Variants in MTERF4 observed in about 807,000 individuals in gnomAD.
MTERF4 encodes mitochondrial transcription termination factor 4.
A neutral mutation model predicts 22.5 loss-of-function variants in MTERF4; 17 were observed. That is an observed-to-expected ratio of 0.75 (90% CI 0.52 to 1.13). MTERF4 has a LOEUF of 1.13. Ranked by LOEUF, MTERF4 falls within the 50% of genes most tolerant of loss-of-function variation. The pLI is 0.00. For synonymous variants in MTERF4, 165 were observed against 175.3 expected, an observed-to-expected ratio of 0.94 and a Z score of 0.47; for missense variants, 420 against 466.8, an observed-to-expected ratio of 0.90 and a Z score of 0.92.
At chr2:241,080,263 A>G (rs1354807691) in intron 4 of MTERF4, among the ~76,000 whole-genome samples, 1 of 152,232 alleles carries the variant, frequency 6.6e-6, no homozygotes, top group African/African-American at 2.4e-5. Context: ...CAGCCTGGGC[A>G]ACAGAGCAAG....
chr2:241,063,834 TGGGA>T, the MTERF4 span: 1 of 580,246 alleles, frequency 1.7e-6, no homozygotes, highest in Non-Finnish European at 2.8e-6. Context: ...GCGGCCACCT[TGGGA>T]GGGAGGGGTG....
At chr2:241,052,195 G>A in the MTERF4 span, 2 of 1,566,776 alleles carry the variant, frequency 1.3e-6, no homozygotes, top group Non-Finnish European at 1.8e-6. Flanking sequence ...GCGGCCAGGG[G>A]TGAACCCTCT....
chr2:241,082,433 C>T, downstream of MTERF4: 1 of 1,207,646 alleles, frequency 8.3e-7, no homozygotes, highest in South Asian at 1.3e-5. Context: ...AGTGCTGTCT[C>T]AAAGCTACCC....
the MTERF4 span, among the ~76,000 whole-genome samples, chr2:241,045,653 A>G: frequency 3.3e-5 from 5 of 151,966 alleles, no homozygotes; most frequent in African/African-American, 1.2e-4. Flanking sequence ...TTAACTCAAA[A>G]TGGATCATAG....
At chr2:241,060,449 C>T in the MTERF4 span, among the ~76,000 whole-genome samples, 1 of 152,302 alleles carries the variant, frequency 6.6e-6, no homozygotes, top group South Asian at 2.1e-4. Context: ...TCCCAAAGTG[C>T]TGGATTACAG....
the MTERF4 span, among the ~76,000 whole-genome samples, chr2:241,059,843 C>T: frequency 6.6e-6 from 1 of 152,114 alleles, no homozygotes; most frequent in Non-Finnish European, 1.5e-5. Context: ...ACCTGGAATC[C>T]GTACAAGGCA....
chr2:241,062,892 C>A, the MTERF4 span: 1 of 1,601,096 alleles, frequency 6.2e-7, no homozygotes, highest in Non-Finnish European at 8.5e-7. Flanking sequence ...TGAGGGCGCC[C>A]ACTGTGAGCT....
Position 241,073,524 on chromosome 2 carries a change from G to A in MTERF4, n.2638C>T, listed in dbSNP as rs1056445297. ...CAGGCACCCCGGTGTGGGAAGATGGGGTGAAGCTACACCACCCAAGCAGTG... is the reference window on the plus strand; with the variant it reads ...CAGGCACCCCGGTGTGGGAAGATGGAGTGAAGCTACACCACCCAAGCAGTG... On this transcript the variant is annotated non_coding_transcript_exon_variant, in exon 5 of 5. Coordinates refer to the MTERF4 transcript ENST00000464344. The surrounding 1 kb of genome is among the most constrained non-coding windows in gnomAD (Gnocchi z 6.6). 2.9e-6 allele frequency: 2 copies of A among 680,952 alleles called. No individual in the cohort carries two copies. Among genetic ancestry groups the A allele is most frequent in the Admixed American group, 2.2e-5 (1 of 45,590 alleles). 42.2% of individuals were successfully genotyped at this position (680,952 alleles called of 1,614,324 possible). A position where few individuals can be genotyped will look rare whatever the true frequency, so the allele number is the denominator to read the frequency against.
the MTERF4 span, chr2:241,064,265 T>C: frequency 1.6e-6 from 1 of 614,892 alleles, no homozygotes; most frequent in Non-Finnish European, 2.7e-6. This position sits in a 1 kb window ranked among gnomAD's most constrained non-coding sequence, Gnocchi z 7.0. Context: ...GCCTTGGAAG[T>C]CCCCTTCTCA....
chr2:241,086,216 G>A (rs2063566939), downstream of MTERF4, among the ~76,000 whole-genome samples: 1 of 152,138 alleles, frequency 6.6e-6, no homozygotes, highest in Admixed American at 6.5e-5. Context: ...TCTCTACTCT[G>A]GCTCTGGAAA....
the MTERF4 span, among the ~76,000 whole-genome samples, chr2:241,058,437 A>G: frequency 2.0e-5 from 3 of 152,240 alleles, no homozygotes; most frequent in Non-Finnish European, 2.9e-5. Flanking sequence ...GAATAAAGGT[A>G]AAAGCCATAA....
At chr2:241,082,442 C>T (rs913284768), downstream of MTERF4, 5 of 1,092,294 alleles carry the variant, frequency 4.6e-6, no homozygotes, top group South Asian at 4.2e-5. Flanking sequence ...TCAAAGCTAC[C>T]CAGCTAACCC....
At chr2:241,057,468 AG>A in the MTERF4 span, among the ~76,000 whole-genome samples, 1 of 149,282 alleles carries the variant, frequency 6.7e-6, no homozygotes, top group African/African-American at 2.5e-5. Flanking sequence ...CGATCATTTG[AG>A]CCCAGCAGTT....
chr2:241,069,191 C>T (rs2062595401), downstream of MTERF4, among the ~76,000 whole-genome samples: 1 of 152,212 alleles, frequency 6.6e-6, no homozygotes. This position sits in a 1 kb window ranked among gnomAD's most constrained non-coding sequence, Gnocchi z 4.9. Context: ...AGCCGCTGGG[C>T]TGGGCTGGGC....
chr2:241,081,241 G>A (rs1203885867), intron 4 of MTERF4, among the ~76,000 whole-genome samples: 1 of 150,618 alleles, frequency 6.6e-6, no homozygotes, highest in Non-Finnish European at 1.5e-5. Context: ...CAAGTGAGCA[G>A]TAAGTCACAT....
downstream of MTERF4, chr2:241,088,445 G>T: frequency 2.0e-6 from 3 of 1,536,808 alleles, no homozygotes; most frequent in Non-Finnish European, 2.7e-6. Flanking sequence ...AGAGCTGCTG[G>T]GAAGTGGGGG....
At position 241,095,578 on chromosome 2, in the gene MTERF4, C is replaced by T. The variant is rs960042013; in HGVS notation, c.*420G>A. The T allele has an allele frequency of 3.9e-5, 7 of 179,530 alleles. No individual in the cohort carries two copies. The highest frequency in any genetic ancestry group is 1.1e-4 in the Admixed American group (2 of 18,584). 11.1% of individuals were successfully genotyped at this position (179,530 alleles called of 1,614,324 possible). Reference sequence around the variant, plus strand: ...ATGTACTAAAACCTCACATTGCCTTCTCGTAATTTTATTTTTATCACAAGA... The same window carrying T: ...ATGTACTAAAACCTCACATTGCCTTTTCGTAATTTTATTTTTATCACAAGA... On this transcript the variant is annotated 3_prime_UTR_variant, in exon 4 of 4. Transcript: ENST00000391980.
the MTERF4 span, chr2:241,063,762 A>C: frequency 8.2e-7 from 1 of 1,220,204 alleles, no homozygotes; most frequent in Non-Finnish European, 1.2e-6. Context: ...ATCAGAGAGG[A>C]GGTGGGGCAT....
the MTERF4 span, chr2:241,048,192 C>G: frequency 8.3e-7 from 1 of 1,207,706 alleles, no homozygotes; most frequent in Non-Finnish European, 1.1e-6. Flanking sequence ...AAGCTTCTGG[C>G]TTAAATTCCA....
Sources: allele counts gnomAD v4.1 joint callset (sites outside exome capture counted in the v4.1 genomes callset), GRCh38; gene constraint gnomAD v4.1.1; non-coding constraint Gnocchi (gnomAD v3.1); transcripts MANE v1.5; gene names NCBI Gene and HGNC (gene_info 2026-07-23, HGNC 2026-07-21).